ANKRD30A: variants seen among roughly 807,000 people sequenced by gnomAD.
ANKRD30A encodes the protein ankyrin repeat domain-containing protein 30A.
Under a neutral mutation model 166.3 loss-of-function variants are expected in ANKRD30A, and 170 were observed. That is an observed-to-expected ratio of 1.02 (90% CI 0.90 to 1.16). The LOEUF (loss-of-function observed/expected upper bound fraction) is 1.16, where lower values mean the gene tolerates loss of function less well. ANKRD30A is among the 50% of genes most tolerant of loss of function. ANKRD30A has a pLI of 0.00. For missense variants in ANKRD30A, 1,630 were observed against 1,518.0 expected, an observed-to-expected ratio of 1.07 and a Z score of -1.23; for synonymous variants, 564 against 508.9, an observed-to-expected ratio of 1.11 and a Z score of -1.46.
In ANKRD30A at chr10:37,217,780, G is replaced by T; in HGVS notation, c.3169G>T (p.Glu1057Ter). The T allele has an allele frequency of 1.3e-6, 2 of 1,598,702 alleles. No homozygotes were observed. The highest frequency in any genetic ancestry group is 2.2e-5 in the South Asian group (2 of 89,220). ...KIREELGRIE[E>*]QHRKELEVKQ... ...TAGGGAAGAATTAGGAAGAATCGAA[G>T]AGCAGCATAGGAAAGAGTTAGAAGT... is the stretch of plus-strand genomic sequence containing the variant. Residue 1057 changes from glutamate (E) to a stop codon, truncating the protein, a stop_gained, in exon 33 of 36, where the codon GAG becomes TAG. Transcript: ENST00000361713. LOFTEE classifies it high-confidence loss of function.
intron 34 of ANKRD30A, among the ~76,000 whole-genome samples, chr10:37,230,983 T>C (rs1013423208): frequency 6.6e-6 from 1 of 152,104 alleles, no homozygotes; most frequent in African/African-American, 2.4e-5. Flanking sequence ...CCCTAGGAGT[T>C]GTTTGTCTGA....
At chr10:37,263,965 T>C in the ANKRD30A span, among the ~76,000 whole-genome samples, 1 of 152,056 alleles carries the variant, frequency 6.6e-6, no homozygotes, top group Non-Finnish European at 1.5e-5. Flanking sequence ...TTGTGAGTTG[T>C]GGAAGAAAGA....
At chr10:37,159,630 G>A (rs1382298360) in intron 15 of ANKRD30A, among the ~76,000 whole-genome samples, 1 of 151,940 alleles carries the variant, frequency 6.6e-6, no homozygotes, top group Non-Finnish European at 1.5e-5. Flanking sequence ...ATGTCTTATA[G>A]GCTATATGTA....
chr10:37,242,744 A>G, the ANKRD30A span, among the ~76,000 whole-genome samples: 1 of 152,182 alleles, frequency 6.6e-6, no homozygotes, highest in Non-Finnish European at 1.5e-5. Context: ...TTACTGTATG[A>G]CACATTTTTC....
intron 27 of ANKRD30A, among the ~76,000 whole-genome samples, chr10:37,195,334 C>G (rs765799673): frequency 5.3e-5 from 8 of 152,084 alleles, no homozygotes; most frequent in Non-Finnish European, 1.0e-4. Flanking sequence ...CATTCTGTGT[C>G]TCATGGCGCT....
chr10:37,183,410 A>C (rs1166719210), intron 24 of ANKRD30A, among the ~76,000 whole-genome samples: 1 of 146,446 alleles, frequency 6.8e-6, no homozygotes, highest in South Asian at 2.2e-4. Context: ...AGAATTTTCA[A>C]AAATGCATAA....
chr10:37,138,847 C>T lies in ANKRD30A; in HGVS notation c.820+2176C>T, dbSNP rs1331773353. The stretch of plus-strand genomic sequence containing the variant: ...AACTTCCCCAATCTAGCAAGGCAGG[C>T]CAACATTCAAATTCAGGAAATACAG... On this transcript the variant is annotated intron_variant, in intron 6 of 35. Transcript: ENST00000361713. 2.6e-5 allele frequency among the ~76,000 whole-genome samples: 4 copies of T among 152,188 alleles called. No homozygotes were observed. In the East Asian group the frequency reaches 7.8e-4, roughly 29 times the overall value.
chr10:37,191,890 G>A (rs964915553), intron 25 of ANKRD30A, among the ~76,000 whole-genome samples: 2 of 151,966 alleles, frequency 1.3e-5, no homozygotes, highest in African/African-American at 2.4e-5. Flanking sequence ...AGCTACTCCG[G>A]AGGCTGAGAC....
intron 9 of ANKRD30A, among the ~76,000 whole-genome samples, chr10:37,147,969 C>T (rs1399061853): frequency 7.2e-5 from 11 of 152,174 alleles, no homozygotes; most frequent in African/African-American, 2.7e-4. Flanking sequence ...ATGGAATTAT[C>T]TGAGCATGCA....
At chr10:37,215,939 C>T (rs1258279718) in intron 31 of ANKRD30A, among the ~76,000 whole-genome samples, 1 of 151,108 alleles carries the variant, frequency 6.6e-6, no homozygotes, top group Non-Finnish European at 1.5e-5. Context: ...TGTTTTCTTA[C>T]AGTATCTATC....
chr10:37,241,402 A>G, the ANKRD30A span: 2 of 151,660 alleles, frequency 1.3e-5, no homozygotes, highest in Admixed American at 1.3e-4. Context: ...CTTAAAAAGG[A>G]TAATATTTTT....
At chr10:37,206,233 A>G (rs1382707846) in intron 31 of ANKRD30A, among the ~76,000 whole-genome samples, 1 of 152,108 alleles carries the variant, frequency 6.6e-6, no homozygotes, top group African/African-American at 2.4e-5. Flanking sequence ...CTTAATTTTG[A>G]GGTTTCTGAG....
chr10:37,258,653 T>TAA, the ANKRD30A span, among the ~76,000 whole-genome samples: 4 of 116,242 alleles, frequency 3.4e-5, no homozygotes, highest in Admixed American at 8.8e-5. Flanking sequence ...GGTTAAAAAT[T>TAA]AAAAAAAAAA....
intron 7 of ANKRD30A, among the ~76,000 whole-genome samples, chr10:37,143,143 T>C (rs1469940987): frequency 6.8e-6 from 1 of 146,500 alleles, no homozygotes; most frequent in African/African-American, 2.5e-5. Flanking sequence ...TGAGATGGGA[T>C]TGGGGTAATG....
the ANKRD30A span, among the ~76,000 whole-genome samples, chr10:37,263,088 C>T: frequency 2.8e-4 from 43 of 151,666 alleles, no homozygotes; most frequent in African/African-American, 8.5e-4. Context: ...TCAGCAGTCT[C>T]TTATTTTAGA....
chr10:37,150,373 G>A (rs1372509672), intron 11 of ANKRD30A, among the ~76,000 whole-genome samples: 1 of 151,766 alleles, frequency 6.6e-6, no homozygotes, highest in South Asian at 2.1e-4. Flanking sequence ...TATGTGTTTG[G>A]TACCTTTACC....
downstream of ANKRD30A, among the ~76,000 whole-genome samples, chr10:37,235,466 T>G (rs1408039164): frequency 6.6e-6 from 1 of 152,150 alleles, no homozygotes; most frequent in South Asian, 2.1e-4. Flanking sequence ...TACATGGGAG[T>G]GCATGATTAC....
At chr10:37,127,433 A>G (rs1420445481) in intron 1 of ANKRD30A, among the ~76,000 whole-genome samples, 1 of 152,164 alleles carries the variant, frequency 6.6e-6, no homozygotes, top group Non-Finnish European at 1.5e-5. Context: ...GCAATTTAGT[A>G]AAACAGAAAT....
intron 6 of ANKRD30A, among the ~76,000 whole-genome samples, chr10:37,139,289 G>A (rs761931309): frequency 1.3e-5 from 2 of 152,146 alleles, no homozygotes; most frequent in African/African-American, 2.4e-5. Context: ...CAAGGATTCC[G>A]AGCTGATTAC....
Sources: allele counts gnomAD v4.1 joint callset (sites outside exome capture counted in the v4.1 genomes callset), GRCh38; gene constraint gnomAD v4.1.1; transcripts MANE v1.5; gene names NCBI Gene and HGNC (gene_info 2026-07-23, HGNC 2026-07-21).